Variants in ATAD5 observed in about 807,000 individuals in gnomAD.
ATAD5 encodes the protein ATPase family AAA domain containing 5, also known as ATPase family AAA domain-containing protein 5.
ATAD5 carries 58 observed loss-of-function variants against 176.9 expected under a neutral mutation model. That is an observed-to-expected ratio of 0.33 (90% CI 0.27 to 0.41). The LOEUF (loss-of-function observed/expected upper bound fraction) is 0.41, where lower values mean the gene tolerates loss of function less well. Ranked by LOEUF, ATAD5 falls within the 10% of genes least tolerant of loss-of-function variation. ATAD5 has a pLI of 1.00. For synonymous variants in ATAD5, 640 were observed against 712.6 expected, an observed-to-expected ratio of 0.90 and a Z score of 1.62; for missense variants, 1,789 against 2,094.1, an observed-to-expected ratio of 0.85 and a Z score of 2.84.
chr17:30,850,138 C>T (rs1295617204), intron 6 of ATAD5, among the ~76,000 whole-genome samples: 1 of 150,984 alleles, frequency 6.6e-6, no homozygotes, highest in African/African-American at 2.4e-5. Context: ...AAGATGCGGT[C>T]GCTAAAAAAA....
At chr17:30,890,199 C>A (rs375256038) in intron 19 of ATAD5, among the ~76,000 whole-genome samples, 2 of 151,510 alleles carry the variant, frequency 1.3e-5, no homozygotes, top group African/African-American at 4.8e-5. Context: ...TCATATTATT[C>A]TTTTTCAAAG....
At chr17:30,856,812 T>A (rs1401027552) in intron 7 of ATAD5, 143 bp from the exon 8 acceptor site, 1 of 644,564 alleles carries the variant, frequency 1.6e-6, no homozygotes, top group Non-Finnish European at 2.4e-6. Flanking sequence ...GGGTAGGATT[T>A]TGTTCCCTTT....
chr17:30,886,563 GCAGGCTGGT>G (rs1159152090), intron 18 of ATAD5, among the ~76,000 whole-genome samples: 1 of 151,634 alleles, frequency 6.6e-6, no homozygotes, highest in Non-Finnish European at 1.5e-5. Flanking sequence ...ACCATGTTGG[GCAGGCTGGT>G]CTCAAACTCC....
At chr17:30,857,840 A>T (rs541832756) in intron 8 of ATAD5, among the ~76,000 whole-genome samples, 48 of 150,692 alleles carry the variant, frequency 3.2e-4, no homozygotes, top group African/African-American at 1.0e-3. Context: ...TCCCGGGTTC[A>T]AGCGATCCTC....
intron 6 of ATAD5, among the ~76,000 whole-genome samples, chr17:30,852,261 T>C (rs553947687): frequency 1.3e-5 from 2 of 152,336 alleles, no homozygotes; most frequent in East Asian, 3.9e-4. Context: ...TGTGAGCTCT[T>C]CAGCTTGGTT....
chr17:30,858,231 A>G lies in ATAD5; in HGVS notation c.2864A>G (p.Asn955Ser). 1 of 1,599,810 alleles carries G rather than the reference A, an allele frequency of 6.3e-7. No individual in the cohort carries two copies. The highest frequency in any genetic ancestry group is 8.5e-7 in the Non-Finnish European group (1 of 1,173,464). The change falls in exon 9 of 23, where the codon AAT (asparagine) becomes AGT (serine). Residue 955 changes from asparagine (N) to serine (S), a missense_variant. Asn to Ser is a conservative substitution (Grantham distance 46). Transcript: ENST00000321990. ...NLLLEEIRWSNPEFSLKKYFP... is the reference protein window; with the variant it reads ...NLLLEEIRWSSPEFSLKKYFP... ...TTGCTTGAGGAAATTAGGTGGTCAA[A>G]TCCTGAATTTTCATTGAAAAAATAT... is the stretch of plus-strand genomic sequence containing the variant.
At chr17:30,845,022 A>G (rs72811658) in intron 6 of ATAD5, 106 bp downstream of exon 6, 70 of 1,024,814 alleles carry the variant, frequency 6.8e-5, no homozygotes, top group Non-Finnish European at 8.6e-5. Flanking sequence ...TTGAAGCTCT[A>G]GTAAGTCCAG....
At chr17:30,863,697 C>T (rs1220536820) in intron 10 of ATAD5, among the ~76,000 whole-genome samples, 1 of 136,042 alleles carries the variant, frequency 7.4e-6, no homozygotes, top group Non-Finnish European at 1.5e-5. Context: ...CAAAGTCTCG[C>T]TCTGTCACCC....
At chr17:30,837,428 C>A in intron 3 of ATAD5, 114 bp downstream of exon 3, 2 of 703,556 alleles carry the variant, frequency 2.8e-6, no homozygotes, top group African/African-American at 1.9e-5. Flanking sequence ...TCATGTATTT[C>A]ATAAATTGGT....
intron 6 of ATAD5, among the ~76,000 whole-genome samples, chr17:30,851,130 C>G (rs1392234609): frequency 4.8e-5 from 7 of 144,876 alleles, no homozygotes; most frequent in Non-Finnish European, 7.6e-5. Context: ...CTCAGGTAAT[C>G]CACCTGCCTC....
At chr17:30,890,682 A>G (rs1226377146) in intron 19 of ATAD5, among the ~76,000 whole-genome samples, 2 of 151,708 alleles carry the variant, frequency 1.3e-5, no homozygotes, top group Non-Finnish European at 2.9e-5. Flanking sequence ...CAGCCTCCCA[A>G]AGTGCTGGGA....
At chr17:30,867,834 G>T (rs1481955449) in intron 11 of ATAD5, among the ~76,000 whole-genome samples, 1 of 152,100 alleles carries the variant, frequency 6.6e-6, no homozygotes, top group East Asian at 1.9e-4. Context: ...CAAATTCCTG[G>T]GCTGAAGCAA....
rs1252512007 is a variant in ATAD5, at chr17:30,872,587, A to T, written c.3607+2941A>T. Among the ~76,000 whole-genome samples, 7 of 142,666 alleles carry T rather than the reference A, an allele frequency of 4.9e-5. No individual in the cohort carries two copies. The South Asian group carries it at 8.7e-4, about 18-fold the overall frequency. 93.6% of individuals were successfully genotyped at this position (142,666 alleles called of 152,430 possible). On this transcript the variant is annotated intron_variant, in intron 14 of 22. Coordinates refer to ENST00000321990, the MANE Select transcript of ATAD5 (RefSeq NM_024857.5). ...TTTTCTTTTTTTGAGACGGAGTCTC[A>T]CACTGTTGCCTGGGCTAGAGTGCAG...
intron 19 of ATAD5, 71 bp downstream of exon 19, chr17:30,887,443 G>A (rs1597998124): frequency 4.5e-6 from 6 of 1,325,874 alleles, no homozygotes; most frequent in South Asian, 2.6e-5. Context: ...ATGGCTGGGT[G>A]CAGTGGCTCA....
In ATAD5 at chr17:30,892,425, T is replaced by TA. The variant is rs67654723; in HGVS notation, c.4259-163dup. Among the ~76,000 whole-genome samples, 652 of 133,266 alleles carry TA rather than the reference T, an allele frequency of 4.9e-3. 2 individuals are homozygous for TA. Among genetic ancestry groups the TA allele is most frequent in the African/African-American group, 6.4e-3 (227 of 35,716 alleles). 87.4% of individuals were successfully genotyped at this position (133,266 alleles called of 152,430 possible). The stretch of plus-strand genomic sequence containing the variant: ...GGGTGATAGAGTGATACTCTGTCTT[T>TA]AAAAAAAAAAAAAAAAAAAGAATAA... On this transcript the variant is annotated intron_variant, in intron 19 of 22. Transcript: ENST00000321990.
intron 18 of ATAD5, among the ~76,000 whole-genome samples, chr17:30,880,443 T>C: frequency 6.6e-6 from 1 of 152,024 alleles, no homozygotes; most frequent in Middle Eastern, 3.4e-3. Context: ...ACCCCATCTC[T>C]ATTAAAAATA....
intron 18 of ATAD5, 38 bp from the exon 19 acceptor site, chr17:30,887,154 A>T: frequency 6.6e-7 from 1 of 1,507,002 alleles, no homozygotes; most frequent in Non-Finnish European, 8.9e-7. Context: ...ATCTATTTGA[A>T]CTCAGCAGTT....
In ATAD5 at chr17:30,868,341, A is replaced by G. The variant is rs773036922; in HGVS notation, c.3242A>G (p.Lys1081Arg). ...LAIKKLHSWL[K>R]DWKRRAELEE... Reference sequence around the variant, plus strand: ...ATGTTTTCTTGTGGCAGTTGGTTGAAAGACTGGAAAAGAAGAGCTGAATTG... The same window carrying G: ...ATGTTTTCTTGTGGCAGTTGGTTGAGAGACTGGAAAAGAAGAGCTGAATTG... Residue 1081 changes from lysine (K) to arginine (R), a missense_variant, in exon 12 of 23, where the codon AAA becomes AGA. By Grantham distance (26) the Lys-to-Arg change is conservative. Around this residue, in one of 6 missense-constraint regions of ATAD5, gnomAD observed 487 missense variants for 573.6 expected, o/e 0.85. Transcript: ENST00000321990. 1 of 1,580,214 alleles carries G rather than the reference A, an allele frequency of 6.3e-7. No individual in the cohort carries two copies. The highest frequency in any genetic ancestry group is 8.6e-7 in the Non-Finnish European group (1 of 1,167,452).
At chr17:30,855,845 C>T (rs145547648) in intron 7 of ATAD5, among the ~76,000 whole-genome samples, 3,216 of 149,704 alleles carry the variant, frequency 0.021, 112 homozygotes, top group African/African-American at 0.076. Flanking sequence ...GGTGACAGAG[C>T]GAGACCCTGT....
Sources: gnomAD v4.1 joint callset for allele counts (sites outside exome capture counted in the v4.1 genomes callset) on GRCh38, gnomAD v4.1.1 for gene constraint, gnomAD v4.1.1 regional missense constraint, MANE v1.5 for transcripts, NCBI Gene and HGNC (gene_info 2026-07-23, HGNC 2026-07-21) for gene names.